The following ACOXL variants were observed in gnomAD, a reference collection of about 807,000 sequenced individuals.
ACOXL encodes the protein acyl-coenzyme A oxidase-like protein.
A neutral mutation model predicts 71.9 loss-of-function variants in ACOXL; 70 were observed. The ratio of observed to expected loss-of-function variants is 0.97; its 90% CI spans 0.80 to 1.19. The LOEUF (loss-of-function observed/expected upper bound fraction) is 1.19. Among genes scored for constraint, ACOXL ranks in the 50% most tolerant of loss-of-function variants. ACOXL has a pLI of 0.00. For missense variants in ACOXL, 703 were observed against 736.3 expected (o/e 0.95, Z 0.52); for synonymous variants, 253 against 281.6 (o/e 0.90, Z 1.02).
chr2:110,817,205 T>G (rs904248169), intron 9 of ACOXL, among the ~76,000 whole-genome samples: 5 of 152,246 alleles, frequency 3.3e-5, no homozygotes, highest in African/African-American at 1.2e-4. Context: ...TCCCGTGGGC[T>G]AGGCTCTTGA....
intron 16 of ACOXL, among the ~76,000 whole-genome samples, chr2:111,058,781 G>A (rs1180960010): frequency 6.6e-6 from 1 of 152,122 alleles, no homozygotes; most frequent in African/African-American, 2.4e-5. Context: ...GCAAGGAAGG[G>A]AAGGATAAAA....
chr2:110,798,716 G>T lies in ACOXL; in HGVS notation c.452G>T (p.Arg151Ile), dbSNP rs1485364025. 1 of 1,613,922 alleles carries T rather than the reference G, an allele frequency of 6.2e-7. No individual in the cohort carries two copies. Among genetic ancestry groups the T allele is most frequent in the Admixed American group, 1.7e-5 (1 of 60,020 alleles). Residue 151 changes from arginine to isoleucine, a missense_variant, in exon 6 of 18, where the codon AGA becomes ATA. Coordinates refer to ENST00000439055, the MANE Select transcript of ACOXL (RefSeq NM_001142807.4). ...TTTGCCCAGCTCATCATAGATGGAAGATCTCAAGGTTTGTTACCAATACAG... is the reference window on the plus strand; with the variant it reads ...TTTGCCCAGCTCATCATAGATGGAATATCTCAAGGTTTGTTACCAATACAG... ...AVFAQLIIDG[R>I]SQGPHCFIVP... is the part of the protein sequence containing the mutation.
chr2:110,848,694 T>G (rs1039196460), intron 10 of ACOXL, among the ~76,000 whole-genome samples: 2 of 152,338 alleles, frequency 1.3e-5, no homozygotes, highest in Non-Finnish European at 2.9e-5. Flanking sequence ...GGCCTTGTGC[T>G]TTTGGTGCCT....
At chr2:111,018,707 C>CTG (rs2064588194) in intron 14 of ACOXL, among the ~76,000 whole-genome samples, 1 of 107,366 alleles carries the variant, frequency 9.3e-6, no homozygotes, top group Non-Finnish European at 1.9e-5. Flanking sequence ...AGCAGAGAGG[C>CTG]TGGAGGGGGT....
rs773104700 is a variant in ACOXL, at chr2:111,092,904, C to T, written c.1480C>T (p.Arg494Trp). 15 of 1,613,806 alleles carry T rather than the reference C, an allele frequency of 9.3e-6. No homozygotes were observed. The highest frequency in any genetic ancestry group is 1.6e-4 in the Middle Eastern group (1 of 6,084). ...LYGTKLVFQE[R>W]AWYLEHKYLT... Reference sequence around the variant, plus strand: ...TGGAACCAAGCTGGTGTTTCAGGAGCGGGCCTGGTATTTAGAACATAAATA... The same window carrying T: ...TGGAACCAAGCTGGTGTTTCAGGAGTGGGCCTGGTATTTAGAACATAAATA... Residue 494 changes from arginine (R) to tryptophan (W), a missense_variant, in exon 17 of 18, where the codon CGG becomes TGG. By Grantham distance (101) the Arg-to-Trp change is moderately radical. Coordinates refer to ENST00000439055, the MANE Select transcript of ACOXL (RefSeq NM_001142807.4).
intron 15 of ACOXL, among the ~76,000 whole-genome samples, chr2:111,045,757 C>T (rs993250206): frequency 1.3e-5 from 2 of 152,186 alleles, no homozygotes; most frequent in South Asian, 2.1e-4. Context: ...GGGAAAAAGC[C>T]GAGACATAGG....
chr2:110,979,613 C>T (rs930780067), intron 12 of ACOXL, among the ~76,000 whole-genome samples: 7 of 152,070 alleles, frequency 4.6e-5, no homozygotes, highest in Admixed American at 1.3e-4. Flanking sequence ...CAGATGGTGA[C>T]GGGAAGAGCA....
At chr2:110,787,249 C>A (rs1684075393) in intron 3 of ACOXL, among the ~76,000 whole-genome samples, 1 of 152,044 alleles carries the variant, frequency 6.6e-6, no homozygotes, top group African/African-American at 2.4e-5. Flanking sequence ...AAATACTTCT[C>A]TGAGGCCGGG....
At chr2:110,787,391 G>A (rs1021230166) in intron 3 of ACOXL, among the ~76,000 whole-genome samples, 1 of 151,706 alleles carries the variant, frequency 6.6e-6, no homozygotes, top group Admixed American at 6.6e-5. Context: ...AAAATTAGCC[G>A]GGCGTGGTGG....
At chr2:110,826,699 T>A (rs1252491355) in intron 9 of ACOXL, among the ~76,000 whole-genome samples, 1 of 151,946 alleles carries the variant, frequency 6.6e-6, no homozygotes, top group African/African-American at 2.4e-5. Flanking sequence ...TTAGAAGACA[T>A]CCAGACATCC....
chr2:111,035,017 G>A (rs2065446737), intron 15 of ACOXL, among the ~76,000 whole-genome samples: 1 of 150,724 alleles, frequency 6.6e-6, no homozygotes, highest in African/African-American at 2.4e-5. Context: ...ACAGGTGCCC[G>A]CCACCACACC....
At chr2:110,960,453 C>T (rs1223928107) in intron 12 of ACOXL, among the ~76,000 whole-genome samples, 1 of 152,112 alleles carries the variant, frequency 6.6e-6, no homozygotes, top group African/African-American at 2.4e-5. Flanking sequence ...AGTCGTGGCC[C>T]TCCTCCTCTC....
intron 16 of ACOXL, among the ~76,000 whole-genome samples, chr2:111,067,534 GAGA>G (rs1203565609): frequency 4.6e-5 from 7 of 152,250 alleles, no homozygotes; most frequent in East Asian, 1.9e-4. Context: ...GCTTAGTCAA[GAGA>G]AGAAGGTGAG....
intron 1 of ACOXL, among the ~76,000 whole-genome samples, chr2:110,742,087 G>A (rs1677622299): frequency 6.6e-6 from 1 of 152,222 alleles, no homozygotes; most frequent in Non-Finnish European, 1.5e-5. Context: ...TGAGGAGAGG[G>A]TCCCAGGGAT....
At chr2:110,998,659 G>T (rs1307492253) in intron 14 of ACOXL, among the ~76,000 whole-genome samples, 1 of 152,176 alleles carries the variant, frequency 6.6e-6, no homozygotes, top group Non-Finnish European at 1.5e-5. Flanking sequence ...GAACTGAGTT[G>T]ATCTGGTAAT....
At chr2:110,946,139 T>G (rs1448903288) in intron 12 of ACOXL, among the ~76,000 whole-genome samples, 1 of 152,236 alleles carries the variant, frequency 6.6e-6, no homozygotes, top group Admixed American at 6.5e-5. Flanking sequence ...TTATTCTTTT[T>G]GTGGCAATTG....
intron 10 of ACOXL, among the ~76,000 whole-genome samples, chr2:110,881,459 A>G (rs1462630059): frequency 6.6e-6 from 1 of 152,134 alleles, no homozygotes; most frequent in East Asian, 1.9e-4. Context: ...TCATATATAT[A>G]TATATGCTTT....
chr2:110,935,828 A>G (rs961483480), intron 12 of ACOXL, among the ~76,000 whole-genome samples: 2 of 148,602 alleles, frequency 1.3e-5, no homozygotes, highest in African/African-American at 5.0e-5. Context: ...GTTTCGTGGA[A>G]GACAATTTTT....
chr2:110,768,842 T>C (rs946238706), intron 2 of ACOXL, among the ~76,000 whole-genome samples: 2 of 152,100 alleles, frequency 1.3e-5, no homozygotes, highest in African/African-American at 4.8e-5. Flanking sequence ...TTAGAGATTT[T>C]GTTTTGTTTG....
Sources: gnomAD v4.1 joint callset for allele counts (sites outside exome capture counted in the v4.1 genomes callset) on GRCh38, gnomAD v4.1.1 for gene constraint, MANE v1.5 for transcripts, NCBI Gene and HGNC (gene_info 2026-07-23, HGNC 2026-07-21) for gene names.